The following KCNT2 variants were observed in gnomAD, a reference collection of about 807,000 sequenced individuals.
KCNT2 encodes potassium channel subfamily T member 2.
KCNT2 carries 67 observed loss-of-function variants against 153.8 expected under a neutral mutation model. That is an observed-to-expected ratio of 0.44 (90% CI 0.36 to 0.53). The LOEUF is 0.53. KCNT2 is among the 20% of genes least tolerant of loss of function. The pLI is 0.00. For synonymous variants in KCNT2, 500 were observed against 458.8 expected (o/e 1.09, Z -1.15); for missense variants, 975 against 1,354.8 (o/e 0.72, Z 4.40).
intron 10 of KCNT2, 152 bp from the exon 11 acceptor site, chr1:196,426,140 A>G: frequency 1.7e-6 from 1 of 602,008 alleles, no homozygotes; most frequent in Non-Finnish European, 2.9e-6. Flanking sequence ...CTGGACATAT[A>G]TTAAATAGCA....
chr1:196,228,234 G>A lies in KCNT2; in HGVS notation c.3398C>T (p.Thr1133Ile), dbSNP rs1297337688. 6.2e-7 allele frequency: 1 copy of A among 1,600,688 alleles called. No individual in the cohort carries two copies. Among genetic ancestry groups the A allele is most frequent in the Non-Finnish European group, 8.6e-7 (1 of 1,169,568 alleles). ...CTCATTTTATTTTTATCAAAGTTGA[G>A]TTTCCTCCCGAGAATCTTGACCAGT... ...NVTGQDSREE[T>I]QL Residue 1133 changes from threonine to isoleucine, a missense_variant, in exon 28 of 28, where the codon ACT (threonine) becomes ATT (isoleucine). Around this residue, in one of 6 missense-constraint regions of KCNT2, gnomAD observed 241 missense variants for 271.1 expected, o/e 0.89. Transcript: ENST00000294725.
chr1:196,369,899 A>T (rs1668373321), intron 14 of KCNT2, among the ~76,000 whole-genome samples: 1 of 152,172 alleles, frequency 6.6e-6, no homozygotes, highest in Non-Finnish European at 1.5e-5. Flanking sequence ...AGGAATCACC[A>T]CACTGCGAAG....
intron 1 of KCNT2, among the ~76,000 whole-genome samples, chr1:196,575,312 AT>A (rs1223823202): frequency 6.6e-6 from 1 of 151,984 alleles, no homozygotes; most frequent in Non-Finnish European, 1.5e-5. Context: ...TATCTATATT[AT>A]TTTTTTCATT....
At chr1:196,476,617 A>T (rs911089545) in intron 5 of KCNT2, among the ~76,000 whole-genome samples, 7 of 152,104 alleles carry the variant, frequency 4.6e-5, no homozygotes, top group Non-Finnish European at 4.4e-5. Flanking sequence ...TTACTTATTG[A>T]TCCACGACTT....
chr1:196,237,620 A>G (rs1654560322), intron 26 of KCNT2, among the ~76,000 whole-genome samples: 1 of 151,834 alleles, frequency 6.6e-6, no homozygotes. Context: ...GCTGGAGTAC[A>G]ATGGCTTGAT....
intron 18 of KCNT2, among the ~76,000 whole-genome samples, chr1:196,328,247 A>T (rs1664081691): frequency 6.6e-6 from 1 of 152,116 alleles, no homozygotes. Context: ...AACTCAAAAG[A>T]TTATTTAAAT....
chr1:196,486,566 G>A (rs10922073), intron 3 of KCNT2, among the ~76,000 whole-genome samples: 71,727 of 151,720 alleles, frequency 0.47, 19,449 homozygotes, highest in Middle Eastern at 0.73. Context: ...GAACAGCTTT[G>A]GCAGAGGAGG....
intron 1 of KCNT2, among the ~76,000 whole-genome samples, chr1:196,518,413 A>G (rs1002120072): frequency 1.3e-4 from 19 of 151,826 alleles, no homozygotes; most frequent in African/African-American, 4.6e-4. Context: ...ATGTATCAAT[A>G]CTAATCCTGA....
intron 26 of KCNT2, among the ~76,000 whole-genome samples, chr1:196,252,849 AT>A (rs1331098312): frequency 6.6e-6 from 1 of 150,538 alleles, no homozygotes; most frequent in African/African-American, 2.4e-5. Context: ...TAGGTGGGCT[AT>A]TTTTTTTCCT....
chr1:196,346,962 A>T (rs1666195115), intron 14 of KCNT2, among the ~76,000 whole-genome samples: 1 of 152,134 alleles, frequency 6.6e-6, no homozygotes, highest in Non-Finnish European at 1.5e-5. Context: ...CTGGTAATCT[A>T]TGAGATATAT....
intron 8 of KCNT2, among the ~76,000 whole-genome samples, chr1:196,460,759 G>C (rs927081455): frequency 6.6e-6 from 1 of 151,590 alleles, no homozygotes; most frequent in Non-Finnish European, 1.5e-5. Context: ...CTTAATATGA[G>C]ACTCATTTGA....
intron 22 of KCNT2, among the ~76,000 whole-genome samples, chr1:196,290,595 T>C (rs927058807): frequency 2.0e-5 from 3 of 151,692 alleles, no homozygotes; most frequent in Non-Finnish European, 2.9e-5. Flanking sequence ...CACACACACA[T>C]ATATTTCATC....
intron 16 of KCNT2, among the ~76,000 whole-genome samples, chr1:196,335,442 A>G (rs1329230126): frequency 6.6e-6 from 1 of 152,148 alleles, no homozygotes; most frequent in East Asian, 1.9e-4. Context: ...CTGCTCCTAG[A>G]CTACAAATCT....
At chr1:196,366,079 A>G (rs1668012942) in intron 14 of KCNT2, among the ~76,000 whole-genome samples, 1 of 152,008 alleles carries the variant, frequency 6.6e-6, no homozygotes, top group South Asian at 2.1e-4. Context: ...GTTTCTTTTC[A>G]GATCTCAACT....
At chr1:196,597,803 C>A (rs766001552) in intron 1 of KCNT2, among the ~76,000 whole-genome samples, 2 of 152,130 alleles carry the variant, frequency 1.3e-5, no homozygotes, top group Non-Finnish European at 2.9e-5. Flanking sequence ...TATGCTATTG[C>A]ATGAATTTCT....
rs1241159784 is a variant in KCNT2 at position 196,226,879 on chromosome 1, T to TTTAAA, written c.*1340_*1344dup. ...AAATACAAAATTAGAACAGTATGTA[T>TTTAAA]TTAAATTTACCAATGTTTCTTTTAC... On this transcript the variant is annotated 3_prime_UTR_variant, in exon 28 of 28. Coordinates refer to ENST00000294725, the MANE Select transcript of KCNT2 (RefSeq NM_198503.5). The TTTAAA allele has an allele frequency of 3.9e-5, 6 of 152,012 alleles. No individual in the cohort carries two copies. The highest frequency in any genetic ancestry group is 8.8e-5 in the Non-Finnish European group (6 of 67,860). 9.4% of individuals were successfully genotyped at this position (152,012 alleles called of 1,614,324 possible).
intron 7 of KCNT2, 75 bp from the exon 8 acceptor site, chr1:196,465,462 C>G: frequency 1.2e-6 from 1 of 805,662 alleles, no homozygotes; most frequent in Non-Finnish European, 2.2e-6. Context: ...CATTTATTAG[C>G]ATACATTTCA....
At chr1:196,419,974 C>T (rs1442712322) in intron 12 of KCNT2, among the ~76,000 whole-genome samples, 1 of 151,802 alleles carries the variant, frequency 6.6e-6, no homozygotes, top group Non-Finnish European at 1.5e-5. Context: ...AATATTCTAC[C>T]CTAGTGTTTT....
In KCNT2 at chr1:196,425,961, T is replaced by C; in HGVS notation, c.1012A>G (p.Thr338Ala). The change falls in exon 11 of 28, where the codon ACT becomes GCT. Residue 338 changes from threonine (T) to alanine (A), a missense_variant. Around this residue, in one of 6 missense-constraint regions of KCNT2, gnomAD observed 202 missense variants for 314.9 expected, o/e 0.64. Coordinates refer to ENST00000294725, the MANE Select transcript of KCNT2 (RefSeq NM_198503.5). ...CTTCGAACCTGTACATCCATTTCAG[T>C]AGGACACAAAATCACCACATAATAA... ...QDYYVVILCP[T>A]EMDVQVRRVL... 6.2e-7 allele frequency: 1 copy of C among 1,612,078 alleles called. No homozygotes were observed. The highest frequency in any genetic ancestry group is 8.5e-7 in the Non-Finnish European group (1 of 1,178,788).
Sources: allele counts gnomAD v4.1 joint callset (sites outside exome capture counted in the v4.1 genomes callset), GRCh38; gene constraint gnomAD v4.1.1; regional missense constraint gnomAD v4.1.1; transcripts MANE v1.5; gene names NCBI Gene and HGNC (gene_info 2026-07-23, HGNC 2026-07-21).